The following SHANK2 variants were observed in gnomAD, a reference collection of about 807,000 sequenced individuals.
The protein encoded by SHANK2 is SH3 and multiple ankyrin repeat domains protein 2.
A neutral mutation model predicts 133.7 loss-of-function variants in SHANK2; 43 were observed. The observed-to-expected ratio is 0.32, with a 90% CI of 0.25 to 0.41. The LOEUF is 0.41. SHANK2 is among the 10% of genes least tolerant of loss of function. SHANK2 has a pLI of 1.00. For missense variants in SHANK2, 1,994 were observed against 2,235.8 expected, an observed-to-expected ratio of 0.89 and a Z score of 2.18; for synonymous variants, 1,017 against 952.8, an observed-to-expected ratio of 1.07 and a Z score of -1.24.
intron 17 of SHANK2, among the ~76,000 whole-genome samples, chr11:70,516,915 G>A (rs1004702937): frequency 6.6e-6 from 1 of 152,092 alleles, no homozygotes; most frequent in East Asian, 1.9e-4. Context: ...TCTTATAAAA[G>A]TACAAAAATC....
intron 6 of SHANK2, among the ~76,000 whole-genome samples, chr11:71,097,934 G>C (rs1412176829): frequency 6.6e-6 from 1 of 151,910 alleles, no homozygotes; most frequent in Non-Finnish European, 1.5e-5. Context: ...ATGCCTGTTT[G>C]TGTGCACGCC....
rs11237377 is a variant in SHANK2, at chr11:70,752,741, C to T, written c.1777+45702G>A. Reference sequence around the variant, plus strand: ...AAAAAATCAATTCACCAAGAAGACACGCCAGTCGTGAATAACCTAACCAGT... The same window carrying T: ...AAAAAATCAATTCACCAAGAAGACATGCCAGTCGTGAATAACCTAACCAGT... On this transcript the variant is annotated intron_variant, in intron 14 of 25. Coordinates refer to ENST00000601538, the MANE Select transcript of SHANK2 (RefSeq NM_012309.5). Among the ~76,000 whole-genome samples the T allele has an allele frequency of 5.3e-3, 783 of 148,762 alleles. 3 individuals are homozygous for T. The highest frequency in any genetic ancestry group is 0.019 in the African/African-American group (743 of 39,998).
chr11:71,085,429 C>A (rs1259708937), intron 8 of SHANK2, among the ~76,000 whole-genome samples: 1 of 139,486 alleles, frequency 7.2e-6, no homozygotes, highest in African/African-American at 2.7e-5. Flanking sequence ...TCACCCCAGC[C>A]TGGGCAACAG....
At chr11:71,241,440 A>C (rs1954891111) in intron 1 of SHANK2, among the ~76,000 whole-genome samples, 1 of 152,214 alleles carries the variant, frequency 6.6e-6, no homozygotes. Flanking sequence ...CCCATGGGAC[A>C]AACAAACACG....
At chr11:70,772,738 C>G (rs1324051940) in intron 14 of SHANK2, among the ~76,000 whole-genome samples, 6 of 152,284 alleles carry the variant, frequency 3.9e-5, no homozygotes, top group African/African-American at 1.4e-4. Flanking sequence ...TCTTCCACTG[C>G]TTTACACCAC....
intron 11 of SHANK2, among the ~76,000 whole-genome samples, chr11:70,848,460 A>G (rs2135457570): frequency 6.6e-6 from 1 of 152,316 alleles, no homozygotes; most frequent in South Asian, 2.1e-4. Context: ...AATAGGTTCT[A>G]CAGTCATGTT....
chr11:70,634,450 A>C (rs1555003244), intron 17 of SHANK2: 1 of 152,244 alleles, frequency 6.6e-6, no homozygotes, highest in Non-Finnish European at 1.5e-5. Context: ...CAGAGCAAAA[A>C]GGCAGCTAAA....
intron 17 of SHANK2, among the ~76,000 whole-genome samples, chr11:70,618,485 C>G (rs2060786585): frequency 6.6e-6 from 1 of 152,184 alleles, no homozygotes; most frequent in Admixed American, 6.5e-5. Context: ...CAGGGCCACC[C>G]CGCCCTAGGT....
At chr11:71,112,252 G>T (rs1951901949) in intron 5 of SHANK2, among the ~76,000 whole-genome samples, 1 of 152,166 alleles carries the variant, frequency 6.6e-6, no homozygotes, top group African/African-American at 2.4e-5. Flanking sequence ...AATTAGCCAG[G>T]CATGGTGGTG....
chr11:70,714,974 T>TC (rs1334345885), intron 14 of SHANK2, among the ~76,000 whole-genome samples: 58 of 151,812 alleles, frequency 3.8e-4, no homozygotes, highest in Admixed American at 8.5e-4. Flanking sequence ...CTTGGCTTTT[T>TC]TTTTTTTTAC....
chr11:70,780,647 C>T (rs1555044932), intron 14 of SHANK2, among the ~76,000 whole-genome samples: 1 of 149,426 alleles, frequency 6.7e-6, no homozygotes, highest in Non-Finnish European at 1.5e-5. Flanking sequence ...AGTCTCGGCT[C>T]ACTGCAACCT....
At chr11:70,853,819 C>T (rs1555066351) in intron 11 of SHANK2, among the ~76,000 whole-genome samples, 1 of 152,208 alleles carries the variant, frequency 6.6e-6, no homozygotes, top group African/African-American at 2.4e-5. Context: ...ACCCTCCCTG[C>T]CTCTTCCACT....
intron 17 of SHANK2, among the ~76,000 whole-genome samples, chr11:70,592,750 T>C (rs2060342054): frequency 6.6e-6 from 1 of 152,066 alleles, no homozygotes; most frequent in South Asian, 2.1e-4. Flanking sequence ...GCGTCTGCCC[T>C]TTTGCTATGG....
intron 9 of SHANK2, among the ~76,000 whole-genome samples, chr11:71,059,001 G>A (rs1038838358): frequency 6.6e-6 from 1 of 152,222 alleles, no homozygotes; most frequent in Non-Finnish European, 1.5e-5. Flanking sequence ...GATCACCTGA[G>A]GTCAGGAGTT....
rs531079771 is a variant in SHANK2 at position 70,515,302 on chromosome 11, G to A, written c.2062-12371C>T. ...GATCTGCCCACCTTGGCCTCCCAAA[G>A]TGCTGGGACTACAGGCATGAACCAC... On this transcript the variant is annotated intron_variant, in intron 17 of 25. Transcript: ENST00000601538. Among the ~76,000 whole-genome samples, 3 of 152,316 alleles carry A rather than the reference G, an allele frequency of 2.0e-5. No individual in the cohort carries two copies. The South Asian group carries it at 6.2e-4, about 32-fold the overall frequency.
chr11:71,250,151 A>C (rs1948155790), intron 1 of SHANK2, among the ~76,000 whole-genome samples: 1 of 148,202 alleles, frequency 6.7e-6, no homozygotes, highest in East Asian at 1.9e-4. Flanking sequence ...ATTTGTTAAA[A>C]GCAGCCAAGT....
At chr11:70,862,552 C>T (rs1446455663) in intron 11 of SHANK2, among the ~76,000 whole-genome samples, 1 of 151,452 alleles carries the variant, frequency 6.6e-6, no homozygotes, top group Non-Finnish European at 1.5e-5. Context: ...GGCTGATGGA[C>T]ATGACTGGAC....
intron 11 of SHANK2, among the ~76,000 whole-genome samples, chr11:70,871,845 C>T (rs1039619593): frequency 5.9e-5 from 9 of 152,128 alleles, no homozygotes; most frequent in Admixed American, 1.3e-4. Flanking sequence ...TTTCCATATA[C>T]GATTTCTATT....
intron 2 of SHANK2, among the ~76,000 whole-genome samples, chr11:71,224,466 A>T (rs1416761812): frequency 1.3e-5 from 2 of 152,250 alleles, no homozygotes; most frequent in Non-Finnish European, 2.9e-5. Context: ...AGCACGGTCC[A>T]GTAGCCAGAG....
Sources: gnomAD v4.1 joint callset for allele counts (sites outside exome capture counted in the v4.1 genomes callset) on GRCh38, gnomAD v4.1.1 for gene constraint, MANE v1.5 for transcripts, NCBI Gene and HGNC (gene_info 2026-07-23, HGNC 2026-07-21) for gene names.